PFDN1: variants seen among roughly 807,000 people sequenced by gnomAD.
PFDN1 encodes prefoldin subunit 1.
A neutral mutation model predicts 17.3 loss-of-function variants in PFDN1; 6 were observed. The ratio of observed to expected loss-of-function variants is 0.35; its 90% CI spans 0.19 to 0.69. PFDN1 has a LOEUF of 0.69. PFDN1 is among the 30% of genes least tolerant of loss of function. The pLI, the probability that PFDN1 is intolerant of heterozygous loss-of-function variation, is 0.65. For missense variants in PFDN1, 113 were observed against 146.2 expected (o/e 0.77, Z 1.17); for synonymous variants, 58 against 50.1 (o/e 1.16, Z -0.67).
chr5:140,274,753 T>C (rs566075210), intron 3 of PFDN1, among the ~76,000 whole-genome samples: 1 of 152,230 alleles, frequency 6.6e-6, no homozygotes, highest in South Asian at 2.1e-4. Context: ...CTCACGCTTG[T>C]AATCCTAGCA....
In PFDN1 at chr5:140,245,185, T is replaced by C. The variant is rs145505443; in HGVS notation, c.*789A>G. 2,780 of 308,584 alleles carry C rather than the reference T, an allele frequency of 9.0e-3. 107 individuals carry two copies. The highest frequency in any genetic ancestry group is 0.086 in the Admixed American group (1,799 of 20,862). 19.1% of individuals were successfully genotyped at this position (308,584 alleles called of 1,614,324 possible). ...AACAAAATTCTTGAAAATTGAATAA[T>C]TGGCCCACCTGGGCTGGGATGAGCC... On this transcript the variant is annotated 3_prime_UTR_variant, in exon 4 of 4. Coordinates refer to ENST00000261813, the MANE Select transcript of PFDN1 (RefSeq NM_002622.5).
intron 2 of PFDN1, among the ~76,000 whole-genome samples, chr5:140,288,208 T>C (rs371278725): frequency 3.2e-4 from 48 of 152,314 alleles, no homozygotes; most frequent in African/African-American, 9.6e-4. Context: ...ATCCATACAA[T>C]AGAATATTAT....
At chr5:140,286,083 AAGTT>A (rs1216626324) in intron 2 of PFDN1, among the ~76,000 whole-genome samples, 2 of 152,060 alleles carry the variant, frequency 1.3e-5, no homozygotes, top group African/African-American at 4.8e-5. Flanking sequence ...TCAATATAGT[AAGTT>A]AGTAAGTAAG....
intron 1 of PFDN1, among the ~76,000 whole-genome samples, chr5:140,301,408 T>C (rs1393433004): frequency 1.3e-5 from 2 of 152,232 alleles, no homozygotes; most frequent in African/African-American, 2.4e-5. Flanking sequence ...ATACTTTTGT[T>C]GAAGTGCCTG....
At chr5:140,283,612 C>T (rs968491753) in intron 2 of PFDN1, among the ~76,000 whole-genome samples, 1 of 152,154 alleles carries the variant, frequency 6.6e-6, no homozygotes, top group African/African-American at 2.4e-5. Flanking sequence ...GGAAAGAGAG[C>T]CCACATTCAT....
At chr5:140,276,128 G>A (rs760801833) in intron 3 of PFDN1, among the ~76,000 whole-genome samples, 3 of 152,138 alleles carry the variant, frequency 2.0e-5, no homozygotes, top group Non-Finnish European at 2.9e-5. Flanking sequence ...AGAAGAGACT[G>A]CAGATTTGAA....
At chr5:140,267,098 G>C (rs1452504470) in intron 3 of PFDN1, among the ~76,000 whole-genome samples, 1 of 151,994 alleles carries the variant, frequency 6.6e-6, no homozygotes, top group Non-Finnish European at 1.5e-5. Flanking sequence ...AGGTGTACTG[G>C]AATCACACAT....
At chr5:140,264,444 A>T (rs147877978) in intron 3 of PFDN1, among the ~76,000 whole-genome samples, 1 of 152,270 alleles carries the variant, frequency 6.6e-6, no homozygotes, top group African/African-American at 2.4e-5. Flanking sequence ...TGCTATGCAT[A>T]TCAGAGCAAA....
At chr5:140,300,013 A>T (rs1473101111) in intron 2 of PFDN1, among the ~76,000 whole-genome samples, 2 of 152,148 alleles carry the variant, frequency 1.3e-5, no homozygotes, top group Admixed American at 1.3e-4. Flanking sequence ...ACTCCGTCTC[A>T]AAAAGAAAAA....
chr5:140,276,553 G>C (rs1765296215), intron 3 of PFDN1, among the ~76,000 whole-genome samples: 1 of 152,020 alleles, frequency 6.6e-6, no homozygotes, highest in Admixed American at 6.6e-5. Flanking sequence ...GGCAGAGGTG[G>C]GTGGATCATC....
At chr5:140,292,508 A>C (rs1218723822) in intron 2 of PFDN1, among the ~76,000 whole-genome samples, 2 of 152,126 alleles carry the variant, frequency 1.3e-5, no homozygotes, top group African/African-American at 4.8e-5. Flanking sequence ...TACATTTTTG[A>C]TACTAGACTC....
chr5:140,268,633 A>G (rs1463811356), intron 3 of PFDN1, among the ~76,000 whole-genome samples: 1 of 152,180 alleles, frequency 6.6e-6, no homozygotes, highest in African/African-American at 2.4e-5. Flanking sequence ...TGACAGAGTA[A>G]GACTCCATCT....
intron 3 of PFDN1, among the ~76,000 whole-genome samples, chr5:140,257,137 C>T (rs1311586188): frequency 6.6e-6 from 1 of 151,590 alleles, no homozygotes; most frequent in African/African-American, 2.4e-5. Flanking sequence ...GCAGGAGAAT[C>T]GCTTGAGCCC....
chr5:140,297,324 T>C (rs1203819741), intron 2 of PFDN1, among the ~76,000 whole-genome samples: 1 of 152,164 alleles, frequency 6.6e-6, no homozygotes, highest in East Asian at 1.9e-4. Context: ...TGAATCACAA[T>C]GATACCCAAA....
chr5:140,288,264 G>A (rs943622862), intron 2 of PFDN1, among the ~76,000 whole-genome samples: 1 of 152,248 alleles, frequency 6.6e-6, no homozygotes, highest in East Asian at 1.9e-4. Context: ...AGACACAGAG[G>A]AGCCTTAAAT....
At chr5:140,257,039 G>A (rs1215470251) in intron 3 of PFDN1, among the ~76,000 whole-genome samples, 2 of 151,890 alleles carry the variant, frequency 1.3e-5, no homozygotes, top group Non-Finnish European at 2.9e-5. Context: ...TGGACAACAT[G>A]ATAAAAACCC....
At position 140,279,196 on chromosome 5, in the gene PFDN1, G is replaced by A. The variant is rs568416719; in HGVS notation, c.285+2253C>T. ...AGAAGTTTGGAATGATACAGAAACC[G>A]TAGAGGTGACATTTGGATGTACCGA... On this transcript the variant is annotated intron_variant, in intron 3 of 3. Coordinates refer to ENST00000261813, the MANE Select transcript of PFDN1 (RefSeq NM_002622.5). Among the ~76,000 whole-genome samples, 32 of 152,196 alleles carry A rather than the reference G, an allele frequency of 2.1e-4. No homozygotes were observed. The South Asian group carries it at 5.6e-3, about 27-fold the overall frequency.
intron 3 of PFDN1, among the ~76,000 whole-genome samples, chr5:140,247,961 G>A (rs1184298820): frequency 6.6e-6 from 1 of 152,090 alleles, no homozygotes; most frequent in Admixed American, 6.5e-5. Flanking sequence ...TCAATCCAAT[G>A]CCTGCAAATG....
At chr5:140,251,405 A>G (rs1161035553) in intron 3 of PFDN1, among the ~76,000 whole-genome samples, 1 of 152,184 alleles carries the variant, frequency 6.6e-6, no homozygotes, top group South Asian at 2.1e-4. Flanking sequence ...ACAGGCCTTA[A>G]TGCTTTATCA....
Sources: allele counts gnomAD v4.1 joint callset (sites outside exome capture counted in the v4.1 genomes callset), GRCh38; gene constraint gnomAD v4.1.1; transcripts MANE v1.5; gene names NCBI Gene and HGNC (gene_info 2026-07-23, HGNC 2026-07-21).